The following FOXP1 variants were observed in gnomAD, a reference collection of about 807,000 sequenced individuals.
The protein encoded by FOXP1 is forkhead box P1, also known as forkhead box protein P1.
Under a neutral mutation model 98.2 loss-of-function variants are expected in FOXP1, and 15 were observed. The observed-to-expected ratio is 0.15, with a 90% CI of 0.10 to 0.24. The LOEUF (loss-of-function observed/expected upper bound fraction) is 0.24. FOXP1 is among the 10% of genes least tolerant of loss of function. The pLI, the probability that FOXP1 is intolerant of heterozygous loss-of-function variation, is 1.00. For synonymous variants in FOXP1, 371 were observed against 314.5 expected (o/e 1.18, Z -1.90); for missense variants, 633 against 848.5 (o/e 0.75, Z 3.15).
At chr3:70,981,517 A>T (rs1236078754) in intron 14 of FOXP1, among the ~76,000 whole-genome samples, 1 of 152,228 alleles carries the variant, frequency 6.6e-6, no homozygotes, top group Non-Finnish European at 1.5e-5. Context: ...TAAATGCTGC[A>T]TTCGACTGAC....
At chr3:70,991,608 ACT>A (rs1332538700) in intron 13 of FOXP1, among the ~76,000 whole-genome samples, 2 of 152,210 alleles carry the variant, frequency 1.3e-5, no homozygotes, top group African/African-American at 4.8e-5. Context: ...GAGAAACAAA[ACT>A]CTGCTGAAAT....
At chr3:71,347,056 G>C (rs115516338) in intron 4 of FOXP1, among the ~76,000 whole-genome samples, 3,200 of 152,146 alleles carry the variant, frequency 0.021, 119 homozygotes, top group African/African-American at 0.072. Context: ...TGTTCTAATG[G>C]GTTGAAAGCT....
At chr3:71,340,731 T>A (rs547551197) in intron 4 of FOXP1, among the ~76,000 whole-genome samples, 6 of 152,228 alleles carry the variant, frequency 3.9e-5, no homozygotes, top group Admixed American at 1.3e-4. Context: ...ATAAAAAAAA[T>A]TAATATATTG....
intron 6 of FOXP1, among the ~76,000 whole-genome samples, chr3:71,182,888 C>G (rs1397791231): frequency 6.6e-6 from 1 of 151,046 alleles, no homozygotes; most frequent in Non-Finnish European, 1.5e-5. Context: ...CAGACCCCCC[C>G]AAAAAAAACC....
chr3:71,352,844 A>G (rs2077890429), intron 4 of FOXP1, among the ~76,000 whole-genome samples: 1 of 152,218 alleles, frequency 6.6e-6, no homozygotes, highest in African/African-American at 2.4e-5. Context: ...AAGCATGCAG[A>G]ATATTGGTGA....
At chr3:71,462,945 C>T (rs572795505) in intron 3 of FOXP1, among the ~76,000 whole-genome samples, 10 of 152,320 alleles carry the variant, frequency 6.6e-5, no homozygotes, top group South Asian at 4.1e-4. Flanking sequence ...CCACCTCCTA[C>T]GCCCCATCAA....
At chr3:71,013,163 C>T (rs2043912344) in intron 12 of FOXP1, among the ~76,000 whole-genome samples, 1 of 152,046 alleles carries the variant, frequency 6.6e-6, no homozygotes, top group Non-Finnish European at 1.5e-5. Flanking sequence ...ATGGGCCAAC[C>T]CAGGTCTTAG....
At position 71,006,592 on chromosome 3, in the gene FOXP1, C is replaced by T. The variant is rs1004183421; in HGVS notation, c.975-5533G>A. ...AATAAATTTTACCATTTAGACATGG[C>T]CATAATATGGTAGACAGTGTCAATA... On this transcript the variant is annotated intron_variant, in intron 12 of 20. Transcript: ENST00000649528. 3.9e-5 allele frequency among the ~76,000 whole-genome samples: 6 copies of T among 152,044 alleles called. No homozygotes were observed. In the South Asian group the frequency reaches 6.2e-4, roughly 16 times the overall value.
chr3:71,414,392 T>A (rs944418325), intron 3 of FOXP1, among the ~76,000 whole-genome samples: 1 of 152,148 alleles, frequency 6.6e-6, no homozygotes, highest in African/African-American at 2.4e-5. Context: ...AGCCTCTGGC[T>A]TTAGAAGGCC....
chr3:71,402,037 T>C (rs1034852237), intron 3 of FOXP1, among the ~76,000 whole-genome samples: 4 of 152,226 alleles, frequency 2.6e-5, no homozygotes, highest in African/African-American at 9.6e-5. Context: ...TCACTGGAGT[T>C]GTGGCAGGCT....
chr3:71,437,568 G>A (rs1577507313), intron 3 of FOXP1, among the ~76,000 whole-genome samples: 1 of 152,114 alleles, frequency 6.6e-6, no homozygotes, highest in Non-Finnish European at 1.5e-5. Context: ...GCAGAATGAG[G>A]TCCCATCACA....
At chr3:71,306,170 T>TCCTC (rs2107596564) in intron 4 of FOXP1, 1 of 152,262 alleles carries the variant, frequency 6.6e-6, no homozygotes, top group South Asian at 2.1e-4. Context: ...CTTCTACCTG[T>TCCTC]CCTCACTCTG....
intron 3 of FOXP1, among the ~76,000 whole-genome samples, chr3:71,435,258 G>C (rs60370872): frequency 0.015 from 105 of 7,156 alleles, 9 homozygotes; most frequent in African/African-American, 0.046. Context: ...AAGAGAGGGA[G>C]GGAGGGAGGG....
chr3:71,072,554 T>C (rs1182779949), intron 7 of FOXP1, among the ~76,000 whole-genome samples: 1 of 152,234 alleles, frequency 6.6e-6, no homozygotes, highest in African/African-American at 2.4e-5. Context: ...GTAAGTCACA[T>C]ACATGCTTTA....
intron 6 of FOXP1, among the ~76,000 whole-genome samples, chr3:71,185,689 G>A (rs1265362199): frequency 6.6e-6 from 1 of 152,170 alleles, no homozygotes; most frequent in Non-Finnish European, 1.5e-5. Flanking sequence ...GTCTTTCCAA[G>A]TGCAAATCCA....
At chr3:71,049,978 C>T (rs970116313) in intron 9 of FOXP1, among the ~76,000 whole-genome samples, 1 of 152,170 alleles carries the variant, frequency 6.6e-6, no homozygotes, top group Admixed American at 6.5e-5. Context: ...TTCAAAGCAA[C>T]CTATCTCCTG....
intron 4 of FOXP1, chr3:71,329,687 G>A (rs2076180845): frequency 6.6e-6 from 1 of 152,016 alleles, no homozygotes; most frequent in Non-Finnish European, 1.5e-5. Flanking sequence ...ACAACTATCA[G>A]AATTTGATCA....
In FOXP1 at chr3:71,583,412, G is replaced by A. The variant is rs533664000; in HGVS notation, c.-447+159C>T. On this transcript the variant is annotated intron_variant, in intron 1 of 20. Transcript: ENST00000649528. ...GGGGGAGATGCACGTGGAGCCTGGA[G>A]GTGGAAAGTAGTTGTTTTTTTTTTT... The A allele has an allele frequency of 1.3e-5, 12 of 946,230 alleles. No individual in the cohort carries two copies. In the South Asian group the frequency reaches 1.5e-4, roughly 12 times the overall value. The allele number at this position is 946,230 out of a possible 1,614,324, so 58.6% of individuals were successfully genotyped here. A position where few individuals can be genotyped will look rare whatever the true frequency, so the allele number is the denominator to read the frequency against.
intron 3 of FOXP1, among the ~76,000 whole-genome samples, chr3:71,415,107 G>A (rs1020319952): frequency 6.6e-6 from 1 of 152,082 alleles, no homozygotes; most frequent in African/African-American, 2.4e-5. Context: ...TCCTCCACAC[G>A]GGCATTCTGA....
Sources: allele counts gnomAD v4.1 joint callset (sites outside exome capture counted in the v4.1 genomes callset), GRCh38; gene constraint gnomAD v4.1.1; transcripts MANE v1.5; gene names NCBI Gene and HGNC (gene_info 2026-07-23, HGNC 2026-07-21).